The following MCF2L2 variants were observed in gnomAD, a reference collection of about 807,000 sequenced individuals.
MCF2L2 encodes MCF.2 cell line derived transforming sequence-like 2.
Under a neutral mutation model 150.2 loss-of-function variants are expected in MCF2L2, and 102 were observed. The ratio of observed to expected loss-of-function variants is 0.68; its 90% confidence interval spans 0.58 to 0.80. MCF2L2 has a LOEUF of 0.80. MCF2L2 is among the 30% of genes least tolerant of loss of function. MCF2L2 has a pLI of 0.00. For missense variants in MCF2L2, 1,256 were observed against 1,372.8 expected, an observed-to-expected ratio of 0.91 and a Z score of 1.34; for synonymous variants, 465 against 491.3, an observed-to-expected ratio of 0.95 and a Z score of 0.71.
chr3:183,288,311 T>G (rs1345785195), intron 14 of MCF2L2, among the ~76,000 whole-genome samples: 1 of 152,002 alleles, frequency 6.6e-6, no homozygotes, highest in East Asian at 1.9e-4. Flanking sequence ...TCACATGAGG[T>G]TGCAAAGAAA....
chr3:183,372,488 A>G (rs1577101231), intron 3 of MCF2L2: 1 of 152,180 alleles, frequency 6.6e-6, no homozygotes, highest in African/African-American at 2.4e-5. Flanking sequence ...AGAAATAGAA[A>G]CAATCCCAGC....
Position 183,338,895 on chromosome 3 carries a change from G to C in MCF2L2, c.391C>G (p.Leu131Val). ...CGAGATGGACGAAGGATGAATATGAGCTGTAAGTTTCCTGGAAATGCCACC... is the reference window on the plus strand; with the variant it reads ...CGAGATGGACGAAGGATGAATATGACCTGTAAGTTTCCTGGAAATGCCACC... ...IAVAFPGNLQLIFILRPSRFI... is the reference protein window; with the variant it reads ...IAVAFPGNLQVIFILRPSRFI... The change falls in exon 5 of 30, where the codon CTC (leucine) becomes GTC (valine). Residue 131 changes from leucine (L) to valine (V), a missense_variant. Transcript: ENST00000328913. The C allele has an allele frequency of 6.2e-7, 1 of 1,602,480 alleles. No homozygotes were observed. Among genetic ancestry groups the C allele is most frequent in the Non-Finnish European group, 8.5e-7 (1 of 1,171,572 alleles).
At chr3:183,310,764 T>C (rs1729336292) in intron 9 of MCF2L2, 151 bp downstream of exon 9, 2 of 583,084 alleles carry the variant, frequency 3.4e-6, no homozygotes, top group Admixed American at 6.2e-5. Flanking sequence ...GAGAAGGGGG[T>C]TGGAGGGGGT....
At chr3:183,350,930 G>T (rs1204037682) in intron 3 of MCF2L2, among the ~76,000 whole-genome samples, 1 of 150,954 alleles carries the variant, frequency 6.6e-6, no homozygotes, top group Non-Finnish European at 1.5e-5. Context: ...GTCATTAGAA[G>T]TCTTCAGACT....
At position 183,272,703 on chromosome 3, in the gene MCF2L2, A is replaced by T. The variant is rs530381643; in HGVS notation, c.1862+4169T>A. 9 of 1,015,936 alleles carry T rather than the reference A, an allele frequency of 8.9e-6. No individual in the cohort carries two copies. The South Asian group carries it at 4.1e-4, about 47-fold the overall frequency. The allele number at this position is 1,015,936 out of a possible 1,614,324, so 62.9% of individuals were successfully genotyped here. On this transcript the variant is annotated intron_variant, in intron 15 of 29. Transcript: ENST00000328913. ...CAATTAAAAAAACATAGAGAACAAA[A>T]GCATATTTGACCAAGCAACAAGCTT...
chr3:183,404,596 C>T (rs1714939161), intron 1 of MCF2L2, among the ~76,000 whole-genome samples: 2 of 152,228 alleles, frequency 1.3e-5, no homozygotes, highest in African/African-American at 4.8e-5. Flanking sequence ...GGCGTGGTGG[C>T]TCACGCCTGT....
intron 5 of MCF2L2, among the ~76,000 whole-genome samples, chr3:183,332,033 A>G (rs1222321989): frequency 6.6e-6 from 1 of 152,206 alleles, no homozygotes; most frequent in African/African-American, 2.4e-5. Context: ...AAATGTAATT[A>G]TCTAACTAGA....
chr3:183,332,328 GT>G (rs1236020085), intron 5 of MCF2L2, among the ~76,000 whole-genome samples: 1 of 152,098 alleles, frequency 6.6e-6, no homozygotes, highest in African/African-American at 2.4e-5. Context: ...TGTGCCCAGG[GT>G]TTGGGTGACT....
chr3:183,327,756 TG>T (rs1730110294), intron 5 of MCF2L2, among the ~76,000 whole-genome samples: 1 of 152,182 alleles, frequency 6.6e-6, no homozygotes, highest in Non-Finnish European at 1.5e-5. Context: ...TAAGTCAAAA[TG>T]GATCATAGAT....
At chr3:183,411,917 G>C (rs1715332305) in intron 1 of MCF2L2, among the ~76,000 whole-genome samples, 1 of 152,168 alleles carries the variant, frequency 6.6e-6, no homozygotes, top group South Asian at 2.1e-4. Flanking sequence ...ATGGTAGTAT[G>C]GCAAACTCTG....
At position 183,428,300 on chromosome 3, in the gene MCF2L2, G is replaced by T. The variant is rs1034860956; in HGVS notation, c.-323C>A. 5 of 317,332 alleles carry T rather than the reference G, an allele frequency of 1.6e-5. No individual in the cohort carries two copies. The highest frequency in any genetic ancestry group is 5.1e-5 in the Admixed American group (1 of 19,566). 19.7% of individuals were successfully genotyped at this position (317,332 alleles called of 1,614,324 possible). A position where few individuals can be genotyped will look rare whatever the true frequency, so the allele number is the denominator to read the frequency against. On this transcript the variant is annotated 5_prime_UTR_variant, in exon 1 of 30. Transcript: ENST00000328913. This position sits in a 1 kb window ranked among gnomAD's most constrained non-coding sequence, Gnocchi z 5.1. ...GGCTCCTCCGGCCGGGCGAGCTCCG[G>T]GGCTTCCAGAATCGCGGTCCCGGCC...
intron 3 of MCF2L2, among the ~76,000 whole-genome samples, chr3:183,342,942 C>T (rs1209800519): frequency 6.6e-6 from 1 of 152,080 alleles, no homozygotes; most frequent in East Asian, 1.9e-4. Flanking sequence ...ACATAAGAAG[C>T]TAATCTCAGT....
chr3:183,213,846 C>T (rs1018138712), intron 22 of MCF2L2, among the ~76,000 whole-genome samples: 1 of 152,098 alleles, frequency 6.6e-6, no homozygotes, highest in African/African-American at 2.4e-5. Flanking sequence ...CAGGATTATA[C>T]AAAACTGTCA....
In MCF2L2 at chr3:183,294,631, A is replaced by ATT. The variant is rs1319367414; in HGVS notation, c.1675+668_1675+669insAA. Among the ~76,000 whole-genome samples, 446 of 114,032 alleles carry ATT rather than the reference A, an allele frequency of 3.9e-3. 6 individuals are homozygous for ATT. The highest frequency in any genetic ancestry group is 0.014 in the African/African-American group (421 of 30,890). 74.8% of individuals were successfully genotyped at this position (114,032 alleles called of 152,430 possible). A position where few individuals can be genotyped will look rare whatever the true frequency, so the allele number is the denominator to read the frequency against. ...TGTGTGTGTGTATATATATATATAT[A>ATT]TATTTTTTTTTTTTTGAGACGGAGT... On this transcript the variant is annotated intron_variant, in intron 13 of 29. Coordinates refer to ENST00000328913, the MANE Select transcript of MCF2L2 (RefSeq NM_015078.4).
chr3:183,351,654 C>G (rs1711507023), intron 3 of MCF2L2, among the ~76,000 whole-genome samples: 1 of 152,280 alleles, frequency 6.6e-6, no homozygotes, highest in East Asian at 1.9e-4. Flanking sequence ...AATCAAACTA[C>G]TATTCAGGAC....
chr3:183,185,902 C>A (rs187920695), intron 27 of MCF2L2, among the ~76,000 whole-genome samples: 37 of 152,214 alleles, frequency 2.4e-4, no homozygotes, highest in African/African-American at 8.4e-4. Flanking sequence ...ATTCTCAGGG[C>A]ACATTTTTTT....
intron 23 of MCF2L2, 103 bp from the exon 24 acceptor site, chr3:183,206,317 C>T: frequency 1.2e-6 from 1 of 858,574 alleles, no homozygotes; most frequent in Non-Finnish European, 1.9e-6. Context: ...CAGCTCTCTT[C>T]TTTCATCTTC....
intron 15 of MCF2L2, chr3:183,269,802 A>G: frequency 6.2e-7 from 1 of 1,601,434 alleles, no homozygotes; most frequent in Non-Finnish European, 8.5e-7. Context: ...AGTGGATATG[A>G]GAATGTTGGT....
At chr3:183,338,381 A>AG (rs1380892960) in intron 5 of MCF2L2, among the ~76,000 whole-genome samples, 1 of 148,878 alleles carries the variant, frequency 6.7e-6, no homozygotes, top group African/African-American at 2.5e-5. Flanking sequence ...CGAGAGGCGA[A>AG]GGTTGTGGTG....
Sources: gnomAD v4.1 joint callset for allele counts (sites outside exome capture counted in the v4.1 genomes callset) on GRCh38, gnomAD v4.1.1 for gene constraint, Gnocchi (gnomAD v3.1) non-coding constraint, MANE v1.5 for transcripts, NCBI Gene and HGNC (gene_info 2026-07-23, HGNC 2026-07-21) for gene names.